The following REXO1 variants were observed in gnomAD, a reference collection of about 807,000 sequenced individuals.
The protein encoded by REXO1 is REX1, RNA exonuclease 1 homolog.
In REXO1, 42 loss-of-function variants were observed where a neutral mutation model predicts 102.6. The ratio of observed to expected loss-of-function variants is 0.41; its 90% CI spans 0.32 to 0.53. REXO1 has a LOEUF of 0.53. Ranked by LOEUF, REXO1 falls within the 20% of genes least tolerant of loss-of-function variation. The probability of loss-of-function intolerance (pLI) is 0.27; values close to 1 mark genes in which losing one functional copy is unlikely to be tolerated. For synonymous variants in REXO1, 908 were observed against 779.1 expected (o/e 1.17, Z -2.76); for missense variants, 1,819 against 1,732.5 (o/e 1.05, Z -0.89).
intron 1 of REXO1, among the ~76,000 whole-genome samples, chr19:1,836,511 C>T (rs2070040389): frequency 1.3e-5 from 2 of 151,884 alleles, no homozygotes; most frequent in South Asian, 2.1e-4. Flanking sequence ...TGTAGGAGGC[C>T]GAGACGGGTG....
intron 1 of REXO1, among the ~76,000 whole-genome samples, chr19:1,836,755 AAAAAAAAAAAAAG>A (rs2070050969): frequency 6.7e-6 from 1 of 149,612 alleles, no homozygotes; most frequent in South Asian, 2.1e-4. Context: ...AAAAAAAAAA[AAAAAAAAAAAAAG>A]AACCCGGCAG....
chr19:1,836,427 C>CGG (rs933619414), intron 1 of REXO1, among the ~76,000 whole-genome samples: 2 of 152,110 alleles, frequency 1.3e-5, no homozygotes, highest in Non-Finnish European at 2.9e-5. Context: ...CCCACCCAGA[C>CGG]GGGGAGACTC....
At chr19:1,840,037 C>CTG (rs1339399395) in intron 1 of REXO1, among the ~76,000 whole-genome samples, 1 of 152,228 alleles carries the variant, frequency 6.6e-6, no homozygotes, top group African/African-American at 2.4e-5. Flanking sequence ...GAAAAATGGA[C>CTG]TGTGACCCGT....
rs1171807299 is a variant in REXO1, at chr19:1,815,599, C to T, written c.*467G>A. 4.0e-6 allele frequency: 4 copies of T among 1,003,326 alleles called. No individual in the cohort carries two copies. The highest frequency in any genetic ancestry group is 4.6e-4 in the Middle Eastern group (1 of 2,178). 62.2% of individuals were successfully genotyped at this position (1,003,326 alleles called of 1,614,324 possible). ...GGGAAGGCAGCAGGCCCGCTCTTCC[C>T]GGTGGGAAAGATGCTGTGCAAGTCA... is the stretch of plus-strand genomic sequence containing the variant. On this transcript the variant is annotated 3_prime_UTR_variant, in exon 16 of 16. Transcript: ENST00000170168. The surrounding 1 kb of genome is among the most constrained non-coding windows in gnomAD (Gnocchi z 4.0).
chr19:1,845,104 T>C (rs1017813996), intron 1 of REXO1, among the ~76,000 whole-genome samples: 3 of 152,108 alleles, frequency 2.0e-5, no homozygotes, highest in African/African-American at 7.2e-5. Flanking sequence ...TGAGGTCAGA[T>C]GGGAGGAAGG....
Position 1,815,918 on chromosome 19 carries a change from C to CGTTCTCT in REXO1, c.*141_*147dup. 1 of 1,534,318 alleles carries CGTTCTCT rather than the reference C, an allele frequency of 6.5e-7. No individual in the cohort carries two copies. Among genetic ancestry groups the CGTTCTCT allele is most frequent in the Middle Eastern group, 1.7e-4 (1 of 5,974 alleles). On this transcript the variant is annotated 3_prime_UTR_variant, in exon 16 of 16. Coordinates refer to ENST00000170168, the MANE Select transcript of REXO1 (RefSeq NM_020695.4). This position sits in a 1 kb window ranked among gnomAD's most constrained non-coding sequence, Gnocchi z 4.0. ...GTGAGCGGGGGTGGGCTGGGCTGGG[C>CGTTCTCT]GTTCTCTGGCCGCCAGCTCATCCCG...
intron 3 of REXO1, among the ~76,000 whole-genome samples, chr19:1,825,316 AAAAAAAC>A (rs1016248190): frequency 2.8e-5 from 4 of 142,654 alleles, no homozygotes; most frequent in African/African-American, 1.1e-4. Context: ...AAAAAAAAAA[AAAAAAAC>A]AACCAAAAAA....
rs777650382 is a variant in REXO1 at position 1,816,721 on chromosome 19, G to A, written c.3294C>T (p.Asn1098=). The A allele has an allele frequency of 8.7e-6, 14 of 1,612,724 alleles. No individual in the cohort carries two copies. The highest frequency in any genetic ancestry group is 4.5e-5 in the East Asian group (2 of 44,860). Residue 1098 remains asparagine, a synonymous_variant, in exon 13 of 16, where the codon AAC becomes AAT. Transcript: ENST00000170168. ...ACCTGGTGTTGTAGTCCACGATCTCGTTGTCAGGCTTCACGAAGGTGTCAT... is the reference window on the plus strand; with the variant it reads ...ACCTGGTGTTGTAGTCCACGATCTCATTGTCAGGCTTCACGAAGGTGTCAT... ...VVYDTFVKPD[N]EIVDYNTRFS...
Position 1,827,396 on chromosome 19 carries a change from A to C in REXO1, c.1393T>G (p.Ser465Ala). Residue 465 changes from serine (S) to alanine (A), a missense_variant, in exon 2 of 16, where the codon TCC becomes GCC. Ser to Ala is a moderately conservative substitution (Grantham distance 99). Transcript: ENST00000170168. ...ARRPSPTSGD[S>A]RPAAGRGPPR... ...GGGCCTCTGCCGGCCGCCGGTCGGG[A>C]GTCCCCGCTTGTGGGGCTCGGCCGC... The C allele has an allele frequency of 6.5e-7, 1 of 1,540,878 alleles. No individual in the cohort carries two copies. Among genetic ancestry groups the C allele is most frequent in the Non-Finnish European group, 8.7e-7 (1 of 1,151,980 alleles).
intron 1 of REXO1, chr19:1,834,964 G>C (rs1280117124): frequency 4.5e-6 from 2 of 441,070 alleles, no homozygotes; most frequent in Non-Finnish European, 4.6e-6. Context: ...ACTGGTGCTG[G>C]AAGGCAGCAT....
At position 1,827,470 on chromosome 19, in the gene REXO1, G is replaced by A. The variant is rs778724381; in HGVS notation, c.1319C>T (p.Ala440Val). The change falls in exon 2 of 16, where the codon GCC becomes GTC. Residue 440 changes from alanine to valine, a missense_variant. Ala to Val is a moderately conservative substitution (Grantham distance 64). Transcript: ENST00000170168. The stretch of plus-strand genomic sequence containing the variant: ...TTTCCCTGAGGTGGCCACAGGAGTG[G>A]CCGAAGATGGCTTCTTCTTGGTCCC... ...PEGTKKKPSS[A>V]TPVATSGKGR... is the part of the protein sequence containing the mutation. The A allele has an allele frequency of 3.2e-6, 5 of 1,572,124 alleles. No homozygotes were observed. Among genetic ancestry groups the A allele is most frequent in the Non-Finnish European group, 3.4e-6 (4 of 1,170,108 alleles).
Position 1,826,937 on chromosome 19 carries a change from G to C in REXO1, c.1852C>G (p.Arg618Gly). The C allele has an allele frequency of 6.3e-7, 1 of 1,583,414 alleles. No homozygotes were observed. The highest frequency in any genetic ancestry group is 8.6e-7 in the Non-Finnish European group (1 of 1,165,690). ...ACGCTGGTGGACTCGTTGAAGATCC[G>C]CAGGCACTCCTCCATGGGGTCGGAG... Reference protein sequence around the residue: ...FDSDPMEECLRIFNESTSVKT... With the variant: ...FDSDPMEECLGIFNESTSVKT... The change falls in exon 2 of 16, where the codon CGG (arginine) becomes GGG (glycine). Residue 618 changes from arginine (R) to glycine (G), a missense_variant. Transcript: ENST00000170168. This position sits in a 1 kb window ranked among gnomAD's most constrained non-coding sequence, Gnocchi z 4.3.
intron 1 of REXO1, among the ~76,000 whole-genome samples, chr19:1,839,653 C>G (rs1366790729): frequency 6.6e-6 from 1 of 152,268 alleles, no homozygotes; most frequent in Non-Finnish European, 1.5e-5. Flanking sequence ...AGCACATGTT[C>G]TCTGAATACC....
intron 1 of REXO1, among the ~76,000 whole-genome samples, chr19:1,836,830 C>A (rs1335841501): frequency 6.6e-6 from 1 of 152,080 alleles, no homozygotes; most frequent in Non-Finnish European, 1.5e-5. Flanking sequence ...GCTCTCAACG[C>A]AACCAGGCAT....
At position 1,819,595 on chromosome 19, in the gene REXO1, T is replaced by C. The variant is rs549880637; in HGVS notation, c.2650+339A>G. 4.4e-3 allele frequency among the ~76,000 whole-genome samples: 666 copies of C among 152,286 alleles called. 6 individuals are homozygous for C. The highest frequency in any genetic ancestry group is 0.015 in the African/African-American group (614 of 41,558). On this transcript the variant is annotated intron_variant, in intron 7 of 15. Coordinates refer to ENST00000170168, the MANE Select transcript of REXO1 (RefSeq NM_020695.4). ...TGCAATGAAACGCCCAGGTCTCCGC[T>C]TTCTTCCTCCCCAGAGCTTAATGCA...
At chr19:1,833,559 G>A (rs920458946) in intron 1 of REXO1, among the ~76,000 whole-genome samples, 1 of 152,260 alleles carries the variant, frequency 6.6e-6, no homozygotes, top group African/African-American at 2.4e-5. Context: ...TGCCAGGCCA[G>A]GAGGATGCTC....
chr19:1,824,774 G>C (rs1298970338), intron 3 of REXO1, among the ~76,000 whole-genome samples: 2 of 130,582 alleles, frequency 1.5e-5, no homozygotes, highest in Non-Finnish European at 3.3e-5. Flanking sequence ...GTTTATGAAT[G>C]GATAACTCAT....
intron 1 of REXO1, among the ~76,000 whole-genome samples, chr19:1,847,744 G>A (rs11670146): frequency 0.38 from 57,645 of 152,166 alleles, 12,970 homozygotes; most frequent in Non-Finnish European, 0.52. Context: ...ACTGGAGACT[G>A]AGGTGGCCGC....
chr19:1,840,060 G>C (rs1277351261), intron 1 of REXO1, among the ~76,000 whole-genome samples: 2 of 152,176 alleles, frequency 1.3e-5, no homozygotes, highest in African/African-American at 4.8e-5. Context: ...CCGTTAACAG[G>C]GTGGGGATGG....
Sources: allele counts gnomAD v4.1 joint callset (sites outside exome capture counted in the v4.1 genomes callset), GRCh38; gene constraint gnomAD v4.1.1; non-coding constraint Gnocchi (gnomAD v3.1); transcripts MANE v1.5; gene names NCBI Gene and HGNC (gene_info 2026-07-23, HGNC 2026-07-21).